The following ADARB2 variants were observed in gnomAD, a reference collection of about 807,000 sequenced individuals.
The protein encoded by ADARB2 is inactive double-stranded RNA-specific editase B2.
A neutral mutation model predicts 62.2 loss-of-function variants in ADARB2; 25 were observed. That is an observed-to-expected ratio of 0.40 (90% CI 0.29 to 0.56). The LOEUF is 0.56. Ranked by LOEUF, ADARB2 falls within the 20% of genes least tolerant of loss-of-function variation. ADARB2 has a pLI of 0.43. For missense variants in ADARB2, 1,071 were observed against 1,077.4 expected, an observed-to-expected ratio of 0.99 and a Z score of 0.08; for synonymous variants, 572 against 500.8, an observed-to-expected ratio of 1.14 and a Z score of -1.90.
intron 1 of ADARB2, among the ~76,000 whole-genome samples, chr10:1,495,394 G>A (rs1475000521): frequency 6.6e-6 from 1 of 152,178 alleles, no homozygotes; most frequent in Non-Finnish European, 1.5e-5. Flanking sequence ...GACAAAAGGA[G>A]ATCTCATAAG....
intron 1 of ADARB2, among the ~76,000 whole-genome samples, chr10:1,673,918 A>T (rs1156663818): frequency 1.3e-5 from 2 of 152,264 alleles, no homozygotes; most frequent in Admixed American, 1.3e-4. Context: ...AGCAGCAATC[A>T]TATCTGCTTC....
intron 3 of ADARB2, among the ~76,000 whole-genome samples, chr10:1,348,391 T>C (rs915767415): frequency 7.2e-5 from 11 of 152,268 alleles, no homozygotes; most frequent in African/African-American, 2.6e-4. Flanking sequence ...GTCTTGCTGC[T>C]GCTGCCACTC....
At chr10:1,581,146 T>C (rs1833092178) in intron 1 of ADARB2, among the ~76,000 whole-genome samples, 1 of 152,240 alleles carries the variant, frequency 6.6e-6, no homozygotes, top group African/African-American at 2.4e-5. Context: ...GCCAATACAC[T>C]GACTAGAAGC....
chr10:1,231,321 T>A (rs1830802106), intron 6 of ADARB2, among the ~76,000 whole-genome samples: 1 of 152,206 alleles, frequency 6.6e-6, no homozygotes, highest in South Asian at 2.1e-4. Flanking sequence ...CCAGTAGCTG[T>A]CCAATGGACC....
chr10:1,562,622 T>C, intron 1 of ADARB2, among the ~76,000 whole-genome samples: 1 of 152,204 alleles, frequency 6.6e-6, no homozygotes, highest in East Asian at 1.9e-4. Context: ...TGAATATTCC[T>C]AAAAAGGAGA....
chr10:1,672,118 CCCCGAGA>C lies in ADARB2; in HGVS notation c.100+64926_100+64932del, dbSNP rs535242477. ...GGCATCAAGCAGAGCCCTACCCCATCCCCGAGAGTCAGTATGTGGGGTGGGTGTGGAC... is the reference window on the plus strand; with the variant it reads ...GGCATCAAGCAGAGCCCTACCCCATCGTCAGTATGTGGGGTGGGTGTGGAC... On this transcript the variant is annotated intron_variant, in intron 1 of 9. Coordinates refer to ENST00000381312, the MANE Select transcript of ADARB2 (RefSeq NM_018702.4). Among the ~76,000 whole-genome samples the C allele has an allele frequency of 1.2e-3, 188 of 151,860 alleles. 2 individuals carry two copies. The highest frequency in any genetic ancestry group is 4.3e-3 in the African/African-American group (178 of 41,336).
intron 1 of ADARB2, among the ~76,000 whole-genome samples, chr10:1,655,159 C>A (rs1834158659): frequency 6.6e-6 from 1 of 152,214 alleles, no homozygotes; most frequent in African/African-American, 2.4e-5. Flanking sequence ...TGTAGGGTGT[C>A]CCCTGAGCCC....
intron 1 of ADARB2, among the ~76,000 whole-genome samples, chr10:1,455,519 T>C (rs1411106329): frequency 6.6e-6 from 1 of 152,188 alleles, no homozygotes; most frequent in Admixed American, 6.5e-5. Context: ...ATTTGATGTG[T>C]CTTTATGGAA....
chr10:1,599,209 G>C (rs1833377162), intron 1 of ADARB2, among the ~76,000 whole-genome samples: 1 of 152,226 alleles, frequency 6.6e-6, no homozygotes, highest in Non-Finnish European at 1.5e-5. Context: ...TTGACAAAGA[G>C]TTTCAGGGGC....
intron 1 of ADARB2, among the ~76,000 whole-genome samples, chr10:1,560,780 C>T (rs1234475385): frequency 1.3e-5 from 2 of 152,234 alleles, no homozygotes; most frequent in South Asian, 2.1e-4. Context: ...GGACGGTCAT[C>T]TGTCTACACC....
intron 1 of ADARB2, among the ~76,000 whole-genome samples, chr10:1,385,261 G>T (rs901985918): frequency 6.6e-6 from 1 of 152,120 alleles, no homozygotes; most frequent in South Asian, 2.1e-4. Context: ...ATTGCTAGAA[G>T]TGAGAAGCAG....
At chr10:1,375,808 C>A (rs7393381) in intron 2 of ADARB2, among the ~76,000 whole-genome samples, 2 of 39,156 alleles carry the variant, frequency 5.1e-5, no homozygotes, top group Non-Finnish European at 2.4e-4. Context: ...ACACACACAC[C>A]ACACACATGC....
intron 1 of ADARB2, among the ~76,000 whole-genome samples, chr10:1,483,044 G>A (rs1018758927): frequency 4.6e-5 from 7 of 151,952 alleles, no homozygotes; most frequent in African/African-American, 1.7e-4. Context: ...TTCATTTCCT[G>A]TTTAGTTACA....
chr10:1,374,638 C>A (rs1263924355), intron 2 of ADARB2, among the ~76,000 whole-genome samples: 3 of 152,156 alleles, frequency 2.0e-5, no homozygotes, highest in East Asian at 1.9e-4. Context: ...TGCAGCGCTG[C>A]GCTTGCTCCA....
At chr10:1,595,747 G>A (rs924322744) in intron 1 of ADARB2, among the ~76,000 whole-genome samples, 3 of 152,190 alleles carry the variant, frequency 2.0e-5, no homozygotes, top group Admixed American at 6.5e-5. Flanking sequence ...AATCCTCCCA[G>A]GTGAACCATT....
At chr10:1,503,784 T>A (rs1831797546) in intron 1 of ADARB2, among the ~76,000 whole-genome samples, 1 of 152,044 alleles carries the variant, frequency 6.6e-6, no homozygotes, top group African/African-American at 2.4e-5. Context: ...TCTAACAGTG[T>A]AGCCCTGCCC....
At chr10:1,250,014 C>T (rs1017148096) in intron 4 of ADARB2, among the ~76,000 whole-genome samples, 2 of 121,428 alleles carry the variant, frequency 1.6e-5, no homozygotes, top group African/African-American at 2.6e-5. Context: ...CGAGAAATGA[C>T]CAAGGACTAT....
chr10:1,675,330 C>G lies in ADARB2; in HGVS notation c.100+61721G>C, dbSNP rs147057287. 8.1e-4 allele frequency: 774 copies of G among 954,748 alleles called. 11 individuals are homozygous for G. The highest frequency in any genetic ancestry group is 5.7e-3 in the Admixed American group (90 of 15,842). The allele number at this position is 954,748 out of a possible 1,614,324, so 59.1% of individuals were successfully genotyped here. A position where few individuals can be genotyped will look rare whatever the true frequency, so the allele number is the denominator to read the frequency against. ...TTGGGTTCGGGGATGCATGAATGTT[C>G]TGGAGGTTTGGGTTTGGGGGTGCAT... On this transcript the variant is annotated intron_variant, in intron 1 of 9. Transcript: ENST00000381312.
intron 7 of ADARB2, among the ~76,000 whole-genome samples, chr10:1,210,500 A>G (rs1259608104): frequency 2.6e-5 from 4 of 152,232 alleles, no homozygotes; most frequent in African/African-American, 9.6e-5. Flanking sequence ...TGAGCAGCAC[A>G]CATACCTCTG....
Sources: allele counts gnomAD v4.1 joint callset (sites outside exome capture counted in the v4.1 genomes callset), GRCh38; gene constraint gnomAD v4.1.1; transcripts MANE v1.5; gene names NCBI Gene and HGNC (gene_info 2026-07-23, HGNC 2026-07-21).